The following COL5A2 variants were observed in gnomAD, a reference collection of about 807,000 sequenced individuals.
The protein encoded by COL5A2 is collagen type V alpha 2 chain.
COL5A2 carries 23 observed loss-of-function variants against 208.2 expected under a neutral mutation model. That is an observed-to-expected ratio of 0.11 (90% CI 0.08 to 0.16). COL5A2 has a LOEUF of 0.16. COL5A2 is among the 10% of genes least tolerant of loss of function. COL5A2 has a pLI of 1.00. For synonymous variants in COL5A2, 625 were observed against 628.5 expected (o/e 0.99, Z 0.08); for missense variants, 1,590 against 1,956.4 (o/e 0.81, Z 3.53).
At position 189,084,054 on chromosome 2, in the gene COL5A2, G is replaced by T; in HGVS notation, c.799-17C>A. ...AGGTTCACCCTTTATGGAAAAAAAT[G>T]TAGGAGATTGGGAAGGCAAAAGTGA... On this transcript the variant is annotated splice_polypyrimidine_tract_variant and intron_variant, in intron 11 of 53. Coordinates refer to ENST00000374866, the MANE Select transcript of COL5A2 (RefSeq NM_000393.5). 1.2e-6 allele frequency: 2 copies of T among 1,601,956 alleles called. No individual in the cohort carries two copies. The highest frequency in any genetic ancestry group is 2.7e-5 in the African/African-American group (2 of 74,830).
At chr2:189,395,685 C>T in the COL5A2 span, among the ~76,000 whole-genome samples, 1 of 151,760 alleles carries the variant, frequency 6.6e-6, no homozygotes, top group Non-Finnish European at 1.5e-5. Flanking sequence ...GGGTGGGTCA[C>T]TTGAGGTCAG....
chr2:189,132,388 T>C (rs1424174627), intron 1 of COL5A2, among the ~76,000 whole-genome samples: 4 of 152,216 alleles, frequency 2.6e-5, no homozygotes, highest in Non-Finnish European at 5.9e-5. Context: ...ATGAACTTTG[T>C]GTATTTAAGG....
At chr2:189,176,701 C>T (rs545329045) in intron 1 of COL5A2, among the ~76,000 whole-genome samples, 1 of 150,812 alleles carries the variant, frequency 6.6e-6, no homozygotes, top group African/African-American at 2.4e-5. Flanking sequence ...CACACTCTCA[C>T]CACACGCACA....
the COL5A2 span, among the ~76,000 whole-genome samples, chr2:189,325,807 G>T: frequency 6.6e-6 from 1 of 152,050 alleles, no homozygotes; most frequent in Non-Finnish European, 1.5e-5. Flanking sequence ...CATAGAAAAA[G>T]GTTAGAAGGC....
intron 1 of COL5A2, among the ~76,000 whole-genome samples, chr2:189,222,255 G>A (rs1689355497): frequency 6.6e-6 from 1 of 152,096 alleles, no homozygotes; most frequent in Admixed American, 6.5e-5. Context: ...TGATAAAAGT[G>A]GAAATTCTTA....
At chr2:189,279,830 T>A in the COL5A2 span, among the ~76,000 whole-genome samples, 1 of 152,086 alleles carries the variant, frequency 6.6e-6, no homozygotes, top group Non-Finnish European at 1.5e-5. Context: ...GATGCAAAAG[T>A]TTATTCAAAT....
At chr2:189,242,917 T>C in the COL5A2 span, among the ~76,000 whole-genome samples, 21 of 152,170 alleles carry the variant, frequency 1.4e-4, no homozygotes, top group Non-Finnish European at 2.1e-4. Context: ...CCCTTGCTGG[T>C]TACTCATGGA....
At chr2:189,350,345 C>T in the COL5A2 span, among the ~76,000 whole-genome samples, 1 of 152,084 alleles carries the variant, frequency 6.6e-6, no homozygotes, top group African/African-American at 2.4e-5. Flanking sequence ...ATGTTGTTTA[C>T]ATAATACTAA....
At chr2:189,374,822 C>T in the COL5A2 span, among the ~76,000 whole-genome samples, 1 of 152,104 alleles carries the variant, frequency 6.6e-6, no homozygotes, top group Non-Finnish European at 1.5e-5. Flanking sequence ...GAAATCATCA[C>T]TCTATAATTG....
At chr2:189,333,718 A>G in the COL5A2 span, among the ~76,000 whole-genome samples, 2 of 152,122 alleles carry the variant, frequency 1.3e-5, no homozygotes, top group African/African-American at 4.8e-5. Flanking sequence ...CAGAGGGAAT[A>G]CATGTAATAA....
At chr2:189,098,065 G>A (rs1266661145) in intron 5 of COL5A2, among the ~76,000 whole-genome samples, 3 of 151,840 alleles carry the variant, frequency 2.0e-5, no homozygotes, top group East Asian at 1.9e-4. Context: ...GTTGCCAGGG[G>A]GACTTTGTTT....
chr2:189,160,261 TATA>T (rs1688332892), intron 1 of COL5A2, among the ~76,000 whole-genome samples: 1 of 152,174 alleles, frequency 6.6e-6, no homozygotes, highest in Non-Finnish European at 1.5e-5. Flanking sequence ...TCATGAATTG[TATA>T]ATACTACTTA....
intron 29 of COL5A2, among the ~76,000 whole-genome samples, chr2:189,062,005 A>G (rs1354608515): frequency 6.6e-6 from 1 of 152,202 alleles, no homozygotes; most frequent in East Asian, 1.9e-4. Context: ...CAAGACTTCA[A>G]AAACAGAATG....
intron 18 of COL5A2, among the ~76,000 whole-genome samples, chr2:189,071,500 A>C (rs1334329883): frequency 6.6e-6 from 1 of 152,200 alleles, no homozygotes; most frequent in African/African-American, 2.4e-5. Context: ...GAATACTTTA[A>C]TCCATTCCCA....
chr2:189,383,911 C>G, the COL5A2 span, among the ~76,000 whole-genome samples: 10 of 152,202 alleles, frequency 6.6e-5, no homozygotes, highest in African/African-American at 2.4e-4. Context: ...CAACCCTCCC[C>G]CCATTCACCT....
At chr2:189,233,307 A>C in the COL5A2 span, among the ~76,000 whole-genome samples, 2 of 151,912 alleles carry the variant, frequency 1.3e-5, no homozygotes, top group African/African-American at 4.8e-5. Context: ...TAAAGAATAA[A>C]GTTATTATTG....
At chr2:189,331,045 C>A in the COL5A2 span, among the ~76,000 whole-genome samples, 2 of 151,476 alleles carry the variant, frequency 1.3e-5, no homozygotes, top group African/African-American at 4.9e-5. Flanking sequence ...TATGAGATTG[C>A]GAAAAATGTG....
intron 42 of COL5A2, among the ~76,000 whole-genome samples, chr2:189,051,056 A>G (rs567657810): frequency 1.3e-5 from 2 of 152,102 alleles, no homozygotes; most frequent in African/African-American, 4.8e-5. Context: ...ATATACATAT[A>G]TTTTTAAAGT....
At chr2:189,075,795 C>A (rs764405032) in intron 16 of COL5A2, among the ~76,000 whole-genome samples, 35 of 152,102 alleles carry the variant, frequency 2.3e-4, no homozygotes, top group Non-Finnish European at 4.4e-4. Flanking sequence ...GAAGCAATGT[C>A]CAGAAAATAA....
Sources: gnomAD v4.1 joint callset for allele counts (sites outside exome capture counted in the v4.1 genomes callset) on GRCh38, gnomAD v4.1.1 for gene constraint, MANE v1.5 for transcripts, NCBI Gene and HGNC (gene_info 2026-07-23, HGNC 2026-07-21) for gene names.